COL4A2: variants seen among roughly 807,000 people sequenced by gnomAD.
COL4A2 encodes the protein collagen type IV alpha 2 chain.
COL4A2 carries 99 observed loss-of-function variants against 200.2 expected under a neutral mutation model. That is an observed-to-expected ratio of 0.49 (90% CI 0.42 to 0.58). COL4A2 has a LOEUF of 0.58. Ranked by LOEUF, COL4A2 falls within the 20% of genes least tolerant of loss-of-function variation. The pLI is 0.00. For missense variants in COL4A2, 1,950 were observed against 2,314.1 expected (o/e 0.84, Z 3.23); for synonymous variants, 897 against 900.6 (o/e 1.00, Z 0.07).
At chr13:110,383,176 C>T (rs1226771778) in intron 4 of COL4A2, among the ~76,000 whole-genome samples, 2 of 152,188 alleles carry the variant, frequency 1.3e-5, no homozygotes, top group Non-Finnish European at 2.9e-5. Context: ...TGCGTATCCA[C>T]GCTAGGATGT....
At chr13:110,393,474 T>A (rs1204683148) in intron 4 of COL4A2, among the ~76,000 whole-genome samples, 1 of 152,168 alleles carries the variant, frequency 6.6e-6, no homozygotes, top group Non-Finnish European at 1.5e-5. Flanking sequence ...GTATTTCAAT[T>A]CTTTGTCTGA....
intron 16 of COL4A2, among the ~76,000 whole-genome samples, chr13:110,443,934 C>T (rs977159783): frequency 2.6e-5 from 4 of 152,320 alleles, no homozygotes; most frequent in Non-Finnish European, 4.4e-5. Flanking sequence ...TCCCGCCTAT[C>T]TGGGTTTCAC....
At chr13:110,489,555 C>T (rs1175863491) in intron 35 of COL4A2, 47 bp downstream of exon 35, 1 of 1,587,410 alleles carries the variant, frequency 6.3e-7, no homozygotes, top group South Asian at 1.1e-5. Context: ...CAATTCAGAG[C>T]TCTCTGAGCA....
At position 110,493,272 on chromosome 13, in the gene COL4A2, A is replaced by T. The variant is rs751361483; in HGVS notation, c.3624A>T (p.Pro1208=). 1 of 1,614,078 alleles carries T rather than the reference A, an allele frequency of 6.2e-7. No individual in the cohort carries two copies. The highest frequency in any genetic ancestry group is 1.1e-5 in the South Asian group (1 of 91,074). ...GCTTGCCAGGCACCAAGGGCTTTCC[A>T]GGATCCCCAGGTACTCTGTGCCGTC... ...LHGLPGTKGF[P]GSPGSDIHGD... The change falls in exon 39 of 48, where the codon CCA becomes CCT. Residue 1208 remains proline (P), a synonymous_variant. Coordinates refer to ENST00000360467, the MANE Select transcript of COL4A2 (RefSeq NM_001846.4).
At chr13:110,442,504 G>C (rs1881166820) in intron 16 of COL4A2, among the ~76,000 whole-genome samples, 1 of 152,112 alleles carries the variant, frequency 6.6e-6, no homozygotes, top group Non-Finnish European at 1.5e-5. Flanking sequence ...GACACCAAAA[G>C]CCCCTCCAAG....
intron 3 of COL4A2, among the ~76,000 whole-genome samples, chr13:110,353,268 C>T (rs1346696343): frequency 6.6e-6 from 1 of 152,172 alleles, no homozygotes; most frequent in African/African-American, 2.4e-5. Flanking sequence ...AGTGTTTCTT[C>T]ATGAAGGGGG....
intron 28 of COL4A2, among the ~76,000 whole-genome samples, chr13:110,471,805 G>A (rs897576863): frequency 2.0e-5 from 3 of 152,204 alleles, no homozygotes; most frequent in South Asian, 2.1e-4. Context: ...TCCCTTTTCC[G>A]TATCCATACA....
At chr13:110,501,027 A>T (rs1883619941) in intron 40 of COL4A2, among the ~76,000 whole-genome samples, 1 of 152,220 alleles carries the variant, frequency 6.6e-6, no homozygotes, top group Admixed American at 6.5e-5. Context: ...TGCAGCAAGA[A>T]GGCAGGAGCG....
At chr13:110,432,296 C>A in intron 10 of COL4A2, 29 bp from the exon 11 acceptor site, 1 of 1,594,902 alleles carries the variant, frequency 6.3e-7, no homozygotes, top group Non-Finnish European at 8.5e-7. Flanking sequence ...TAAAGAAAAC[C>A]ATTTACACAT....
chr13:110,505,121 T>C (rs71440066), intron 45 of COL4A2, among the ~76,000 whole-genome samples: 11,475 of 149,886 alleles, frequency 0.077, 456 homozygotes, highest in Non-Finnish European at 0.089. Flanking sequence ...GAGGCTGAGG[T>C]GGGCGGATCA....
At chr13:110,422,703 A>G (rs933328793) in intron 4 of COL4A2, among the ~76,000 whole-genome samples, 15 of 152,202 alleles carry the variant, frequency 9.9e-5, no homozygotes, top group African/African-American at 3.6e-4. Context: ...ATCATCTTCC[A>G]TCCACAGCCT....
At chr13:110,470,888 C>T (rs1882446328) in intron 28 of COL4A2, among the ~76,000 whole-genome samples, 1 of 152,150 alleles carries the variant, frequency 6.6e-6, no homozygotes, top group Non-Finnish European at 1.5e-5. Context: ...ACCCTGTTTC[C>T]TTTCATATGA....
chr13:110,497,715 G>GA (rs1883507340), intron 40 of COL4A2, among the ~76,000 whole-genome samples: 2 of 147,030 alleles, frequency 1.4e-5, no homozygotes, highest in East Asian at 2.0e-4. Flanking sequence ...TGAGGATCTA[G>GA]GTCAGTCCAC....
intron 4 of COL4A2, among the ~76,000 whole-genome samples, chr13:110,405,779 C>T (rs992906238): frequency 2.6e-5 from 4 of 152,206 alleles, no homozygotes; most frequent in Admixed American, 2.0e-4. Context: ...GGGAGAGTGA[C>T]TCATGTCTTT....
intron 3 of COL4A2, among the ~76,000 whole-genome samples, chr13:110,321,208 G>GTGTA (rs1555320060): frequency 4.8e-5 from 7 of 146,674 alleles, no homozygotes; most frequent in South Asian, 2.2e-4. Context: ...GTGTCTGTGT[G>GTGTA]TATATATATA....
intron 3 of COL4A2, among the ~76,000 whole-genome samples, chr13:110,342,044 G>A (rs897410744): frequency 1.3e-5 from 2 of 152,118 alleles, no homozygotes; most frequent in African/African-American, 4.8e-5. Flanking sequence ...ACAGAGAATG[G>A]GGATCTTGGC....
At chr13:110,428,373 TGGC>T in intron 6 of COL4A2, 91 bp from the exon 7 acceptor site, 1 of 734,450 alleles carries the variant, frequency 1.4e-6, no homozygotes, top group East Asian at 2.9e-5. Context: ...GCCGGGAACA[TGGC>T]TTATGAGAAT....
At chr13:110,371,129 C>T (rs1029144185) in intron 4 of COL4A2, among the ~76,000 whole-genome samples, 7 of 152,212 alleles carry the variant, frequency 4.6e-5, no homozygotes, top group East Asian at 1.9e-4. Flanking sequence ...GAATAAGATG[C>T]GTCCTTTAAA....
At chr13:110,431,033 T>G (rs1880661069) in intron 10 of COL4A2, 1 of 387,242 alleles carries the variant, frequency 2.6e-6, no homozygotes, top group Non-Finnish European at 5.1e-6. Flanking sequence ...GGTGAGATAC[T>G]GGCCACTGTT....
Sources: gnomAD v4.1 joint callset for allele counts (sites outside exome capture counted in the v4.1 genomes callset) on GRCh38, gnomAD v4.1.1 for gene constraint, MANE v1.5 for transcripts, NCBI Gene and HGNC (gene_info 2026-07-23, HGNC 2026-07-21) for gene names.